DPH6: variants seen among roughly 807,000 people sequenced by gnomAD.
DPH6 encodes diphthine--ammonia ligase.
In DPH6, 33 loss-of-function variants were observed where a neutral mutation model predicts 38.2. That is an observed-to-expected ratio of 0.86 (90% CI 0.65 to 1.15). DPH6 has a LOEUF of 1.15. DPH6 is among the 50% of genes most tolerant of loss of function. The pLI, the probability that DPH6 is intolerant of heterozygous loss-of-function variation, is 0.00. For missense variants in DPH6, 325 were observed against 320.0 expected, an observed-to-expected ratio of 1.02 and a Z score of -0.12; for synonymous variants, 108 against 103.0, an observed-to-expected ratio of 1.05 and a Z score of -0.30.
chr15:35,245,415 T>A (rs984698551), intron 3 of DPH6, among the ~76,000 whole-genome samples: 1 of 152,070 alleles, frequency 6.6e-6, no homozygotes, highest in African/African-American at 2.4e-5. Context: ...ATTTTTTGTA[T>A]TTTTAGTAGA....
intron 3 of DPH6, among the ~76,000 whole-genome samples, chr15:35,514,756 C>T (rs914247244): frequency 2.0e-5 from 3 of 152,074 alleles, no homozygotes. Flanking sequence ...AACTGATAAA[C>T]TGATAAATTA....
intron 5 of DPH6, among the ~76,000 whole-genome samples, chr15:35,411,979 G>A (rs186964777): frequency 3.3e-5 from 5 of 151,664 alleles, no homozygotes; most frequent in African/African-American, 7.2e-5. Flanking sequence ...CCAAAAGCAC[G>A]ATCCATTAAG....
At chr15:35,496,156 G>A (rs1240172701) in intron 3 of DPH6, among the ~76,000 whole-genome samples, 1 of 152,082 alleles carries the variant, frequency 6.6e-6, no homozygotes, top group Non-Finnish European at 1.5e-5. Context: ...AGTATAAAAT[G>A]CCTTATCTAA....
rs181751674 is a variant in DPH6 at position 35,477,796 on chromosome 15, A to G, written c.313-22976T>C. Among the ~76,000 whole-genome samples, 325 of 152,010 alleles carry G rather than the reference A, an allele frequency of 2.1e-3. 2 individuals carry two copies. Among genetic ancestry groups the G allele is most frequent in the African/African-American group, 7.6e-3 (315 of 41,544 alleles). On this transcript the variant is annotated intron_variant, in intron 3 of 8. Transcript: ENST00000256538. ...ATCCAGCCATCGTAGGGTTCAGCAA[A>G]AAGAAAATTAGTGATAATGCTTTCA...
chr15:35,455,512 G>A (rs1413510033), intron 3 of DPH6, among the ~76,000 whole-genome samples: 1 of 152,088 alleles, frequency 6.6e-6, no homozygotes, highest in Non-Finnish European at 1.5e-5. Flanking sequence ...GTTTGCAGAG[G>A]ATACAAAGCT....
At chr15:35,214,305 A>G (rs1443703408), downstream of DPH6, among the ~76,000 whole-genome samples, 1 of 152,212 alleles carries the variant, frequency 6.6e-6, no homozygotes, top group Non-Finnish European at 1.5e-5. Context: ...CAATGCCACT[A>G]GAACTGGTTG....
intron 3 of DPH6, among the ~76,000 whole-genome samples, chr15:35,297,492 CTTTA>C (rs2052023224): frequency 6.6e-6 from 1 of 151,990 alleles, no homozygotes; most frequent in African/African-American, 2.4e-5. Context: ...TGACCTAATT[CTTTA>C]TTTTTTTCCC....
chr15:35,360,935 A>G (rs2052609013), intron 3 of DPH6, among the ~76,000 whole-genome samples: 1 of 152,132 alleles, frequency 6.6e-6, no homozygotes, highest in Non-Finnish European at 1.5e-5. Context: ...GTCCTTGGGT[A>G]GGCAGGACTT....
intron 5 of DPH6, among the ~76,000 whole-genome samples, chr15:35,436,509 C>CAAACAAAAAAAA: frequency 9.3e-6 from 1 of 107,592 alleles, no homozygotes; most frequent in Non-Finnish European, 1.8e-5. Context: ...CAAAACAAAA[C>CAAACAAAAAAAA]AAAACAAAAA....
At chr15:35,370,114 G>A (rs2052697609), downstream of DPH6, among the ~76,000 whole-genome samples, 1 of 151,622 alleles carries the variant, frequency 6.6e-6, no homozygotes, top group Admixed American at 6.6e-5. Flanking sequence ...GTCTTTTCAA[G>A]AAATGGTGCT....
At chr15:35,511,013 A>G (rs1191433014) in intron 3 of DPH6, among the ~76,000 whole-genome samples, 1 of 152,198 alleles carries the variant, frequency 6.6e-6, no homozygotes, top group Non-Finnish European at 1.5e-5. Context: ...GCAAGAAACC[A>G]GAGTCTAAAA....
intron 6 of DPH6, among the ~76,000 whole-genome samples, chr15:35,394,941 C>T (rs1397764261): frequency 3.3e-5 from 5 of 152,260 alleles, no homozygotes; most frequent in Admixed American, 2.6e-4. Context: ...TTTGACTCTT[C>T]GTAATATCCT....
chr15:35,456,835 T>A (rs966533986), intron 3 of DPH6, among the ~76,000 whole-genome samples: 1 of 152,170 alleles, frequency 6.6e-6, no homozygotes, highest in African/African-American at 2.4e-5. Flanking sequence ...CATTTGCCAT[T>A]CACTAGTGTG....
the DPH6 span, among the ~76,000 whole-genome samples, chr15:35,203,980 C>T: frequency 9.2e-5 from 14 of 151,808 alleles, 1 homozygote; most frequent in African/African-American, 3.1e-4. Context: ...TTTCAATTAA[C>T]AGTTCCTTGA....
intron 6 of DPH6, among the ~76,000 whole-genome samples, chr15:35,408,441 C>T (rs2053323444): frequency 6.6e-6 from 1 of 151,914 alleles, no homozygotes; most frequent in Admixed American, 6.6e-5. Context: ...ATCAAGGCTA[C>T]CATCGAGTAA....
downstream of DPH6, chr15:35,365,918 T>G (rs2140912485): frequency 1.0e-6 from 1 of 985,268 alleles, no homozygotes; most frequent in East Asian, 1.1e-4. Context: ...GCATTAGGTT[T>G]TAGACTGGTA....
At chr15:35,483,180 T>G (rs1424301187) in intron 3 of DPH6, among the ~76,000 whole-genome samples, 2 of 151,830 alleles carry the variant, frequency 1.3e-5, no homozygotes, top group Non-Finnish European at 2.9e-5. Flanking sequence ...AAAACCACAA[T>G]GAGGCTTGGG....
chr15:35,387,400 G>T (rs1020194781), intron 6 of DPH6, among the ~76,000 whole-genome samples: 1 of 152,102 alleles, frequency 6.6e-6, no homozygotes, highest in African/African-American at 2.4e-5. Context: ...TAGCTTGATG[G>T]GGATGGCATT....
At chr15:35,281,967 A>G (rs1468820218) in intron 3 of DPH6, among the ~76,000 whole-genome samples, 5 of 152,222 alleles carry the variant, frequency 3.3e-5, no homozygotes, top group Non-Finnish European at 5.9e-5. Flanking sequence ...TAGAACAACT[A>G]CAGCATTATT....
Sources: allele counts gnomAD v4.1 joint callset (sites outside exome capture counted in the v4.1 genomes callset), GRCh38; gene constraint gnomAD v4.1.1; transcripts MANE v1.5; gene names NCBI Gene and HGNC (gene_info 2026-07-23, HGNC 2026-07-21).